KNL1: variants seen among roughly 807,000 people sequenced by gnomAD.
The protein encoded by KNL1 is kinetochore scaffold 1.
KNL1 carries 66 observed loss-of-function variants against 201.3 expected under a neutral mutation model. That is an observed-to-expected ratio of 0.33 (90% CI 0.27 to 0.40). The LOEUF (loss-of-function observed/expected upper bound fraction) is 0.40, where lower values mean the gene tolerates loss of function less well. Among genes scored for constraint, KNL1 ranks in the 10% least tolerant of loss-of-function variants. The pLI, the probability that KNL1 is intolerant of heterozygous loss-of-function variation, is 1.00. For synonymous variants in KNL1, 895 were observed against 899.2 expected, an observed-to-expected ratio of 1.00 and a Z score of 0.08; for missense variants, 2,815 against 2,690.5, an observed-to-expected ratio of 1.05 and a Z score of -1.02.
chr15:40,602,427 C>T (rs1481704305), intron 1 of KNL1, among the ~76,000 whole-genome samples: 1 of 150,654 alleles, frequency 6.6e-6, no homozygotes, highest in African/African-American at 2.4e-5. Flanking sequence ...TGAGCCACCG[C>T]GCCCGGCCAA....
intron 25 of KNL1, among the ~76,000 whole-genome samples, chr15:40,659,818 C>G (rs913639814): frequency 6.6e-6 from 1 of 151,678 alleles, no homozygotes; most frequent in African/African-American, 2.4e-5. Flanking sequence ...TGAAAGATTC[C>G]TCAAAGTGGT....
Position 40,625,367 on chromosome 15 carries a change from TA to T in KNL1, c.5106del (p.Lys1702AsnfsTer2). 6.2e-7 allele frequency: 1 copy of T among 1,614,084 alleles called. No homozygotes were observed. Among genetic ancestry groups the T allele is most frequent in the Non-Finnish European group, 8.5e-7 (1 of 1,179,994 alleles). On this transcript the variant is annotated frameshift_variant, in exon 10 of 26. Transcript: ENST00000399668. LOFTEE classifies it high-confidence loss of function. ...KDSGIGSVAG[K>X]LNLSPSQYIN... ...ATTCAGGCATTGGATCTGTTGCAGG[TA>T]AACTGAACCTAAGTCCTTCTCAATA... is the stretch of plus-strand genomic sequence containing the variant.
chr15:40,657,000 A>T, intron 22 of KNL1, 42 bp from the exon 23 acceptor site: 3 of 886,958 alleles, frequency 3.4e-6, no homozygotes, highest in Non-Finnish European at 5.2e-6. Flanking sequence ...TATATGAATC[A>T]TAAGTAATAA....
At chr15:40,608,139 C>G (rs114819316) in intron 4 of KNL1, among the ~76,000 whole-genome samples, 4,319 of 152,130 alleles carry the variant, frequency 0.028, 218 homozygotes, top group African/African-American at 0.099. Context: ...GAAGGAAATT[C>G]TGACACATAC....
intron 14 of KNL1, among the ~76,000 whole-genome samples, chr15:40,642,394 T>A (rs1893257641): frequency 6.6e-6 from 1 of 150,580 alleles, no homozygotes; most frequent in African/African-American, 2.4e-5. Flanking sequence ...AGAGCGAGAC[T>A]CTGTCTCAAA....
At chr15:40,607,523 C>G (rs1892014947) in intron 4 of KNL1, among the ~76,000 whole-genome samples, 1 of 152,012 alleles carries the variant, frequency 6.6e-6, no homozygotes, top group African/African-American at 2.4e-5. Context: ...CAGTAAAACT[C>G]TCTGTGGATT....
At position 40,621,745 on chromosome 15, in the gene KNL1, T is replaced by C. The variant is rs780091370; in HGVS notation, c.1481T>C (p.Ile494Thr). ...MDITKSHTVA[I>T]DNQIFKQDQS... ...ATTACCAAGAGTCATACAGTTGCAA[T>C]AGATAATCAAATTTTTAAACAAGAT... is the stretch of plus-strand genomic sequence containing the variant. Residue 494 changes from isoleucine (I) to threonine (T), a missense_variant, in exon 10 of 26, where the codon ATA (isoleucine) becomes ACA (threonine). By Grantham distance (89) the Ile-to-Thr change is moderately conservative. Coordinates refer to ENST00000399668, the MANE Select transcript of KNL1 (RefSeq NM_144508.5). The C allele has an allele frequency of 3.1e-6, 5 of 1,613,792 alleles. No homozygotes were observed. Among genetic ancestry groups the C allele is most frequent in the Non-Finnish European group, 4.2e-6 (5 of 1,179,770 alleles).
At chr15:40,629,927 C>T (rs183429034) in intron 13 of KNL1, among the ~76,000 whole-genome samples, 2 of 152,222 alleles carry the variant, frequency 1.3e-5, no homozygotes, top group African/African-American at 4.8e-5. Flanking sequence ...TCCTTGCCAT[C>T]TATTTTTTTG....
chr15:40,596,612 G>A (rs1891627753), intron 1 of KNL1, among the ~76,000 whole-genome samples: 1 of 151,978 alleles, frequency 6.6e-6, no homozygotes, highest in African/African-American at 2.4e-5. Flanking sequence ...TTACTGATTG[G>A]ATATCTGTGC....
intron 2 of KNL1, among the ~76,000 whole-genome samples, chr15:40,604,577 A>G (rs1443984339): frequency 6.6e-6 from 1 of 152,206 alleles, no homozygotes; most frequent in Non-Finnish European, 1.5e-5. Flanking sequence ...AAAATTTTGT[A>G]CAATCGGGTT....
intron 13 of KNL1, among the ~76,000 whole-genome samples, chr15:40,637,037 C>A (rs561126240): frequency 2.6e-5 from 4 of 151,042 alleles, no homozygotes; most frequent in African/African-American, 9.7e-5. Context: ...TTTCCCTGAT[C>A]GTCTTATGCC....
intron 1 of KNL1, among the ~76,000 whole-genome samples, chr15:40,599,121 T>A (rs6492956): frequency 0.81 from 120,940 of 148,900 alleles, 50,269 homozygotes; most frequent in African/African-American, 0.88. Context: ...AAAAAAAAAA[T>A]TTTTTTTAAA....
At chr15:40,605,960 A>T (rs904854441) in intron 3 of KNL1, among the ~76,000 whole-genome samples, 3 of 152,178 alleles carry the variant, frequency 2.0e-5, no homozygotes, top group African/African-American at 7.2e-5. Flanking sequence ...TAGCTCTTTT[A>T]CTTCCAGGCC....
chr15:40,641,988 T>C (rs890228055), intron 14 of KNL1, among the ~76,000 whole-genome samples: 1 of 152,244 alleles, frequency 6.6e-6, no homozygotes, highest in Non-Finnish European at 1.5e-5. Context: ...GTCATACTTA[T>C]CTGGGACTAT....
intron 16 of KNL1, 194 bp from the exon 17 acceptor site, chr15:40,646,793 C>A: frequency 3.0e-6 from 1 of 332,048 alleles, no homozygotes; most frequent in South Asian, 4.2e-5. Context: ...GGAGGCGGAG[C>A]TTGCAATGAG....
intron 1 of KNL1, among the ~76,000 whole-genome samples, chr15:40,598,169 C>T (rs1369000856): frequency 2.1e-5 from 3 of 143,998 alleles, no homozygotes; most frequent in South Asian, 2.2e-4. Flanking sequence ...AGGGAAACTC[C>T]GTCTCAAAAA....
At chr15:40,645,963 T>G (rs1006040225) in intron 16 of KNL1, among the ~76,000 whole-genome samples, 191 bp downstream of exon 16, 2 of 152,196 alleles carry the variant, frequency 1.3e-5, no homozygotes. Context: ...TGGAATATAA[T>G]TACTAATGTG....
At chr15:40,610,108 A>T in intron 5 of KNL1, 137 bp from the exon 6 acceptor site, 1 of 528,328 alleles carries the variant, frequency 1.9e-6, no homozygotes, top group South Asian at 3.0e-5. Flanking sequence ...TTGAAATACT[A>T]GGAGTATATG....
At chr15:40,646,340 G>T (rs955331509) in intron 16 of KNL1, among the ~76,000 whole-genome samples, 6 of 151,812 alleles carry the variant, frequency 4.0e-5, no homozygotes, top group Non-Finnish European at 8.8e-5. Context: ...TTAATATATT[G>T]TATTCCATGG....
Sources: gnomAD v4.1 joint callset for allele counts (sites outside exome capture counted in the v4.1 genomes callset) on GRCh38, gnomAD v4.1.1 for gene constraint, MANE v1.5 for transcripts, NCBI Gene and HGNC (gene_info 2026-07-23, HGNC 2026-07-21) for gene names.